The following NRG3 variants were observed in gnomAD, a reference collection of about 807,000 sequenced individuals.
NRG3 encodes the protein neuregulin 3.
A neutral mutation model predicts 66.9 loss-of-function variants in NRG3; 31 were observed. That is an observed-to-expected ratio of 0.46 (90% CI 0.35 to 0.63). The LOEUF (loss-of-function observed/expected upper bound fraction) is 0.63. Ranked by LOEUF, NRG3 falls within the 20% of genes least tolerant of loss-of-function variation. NRG3 has a pLI of 0.00. For missense variants in NRG3, 910 were observed against 878.9 expected, an observed-to-expected ratio of 1.04 and a Z score of -0.45; for synonymous variants, 393 against 359.4, an observed-to-expected ratio of 1.09 and a Z score of -1.06.
At chr10:81,971,988 A>G (rs956371089) in intron 1 of NRG3, among the ~76,000 whole-genome samples, 2 of 152,188 alleles carry the variant, frequency 1.3e-5, no homozygotes, top group Admixed American at 1.3e-4. Context: ...CAAAATGGTT[A>G]GTGGGAACAA....
At chr10:82,446,345 T>C (rs535614238) in intron 2 of NRG3, among the ~76,000 whole-genome samples, 19 of 152,326 alleles carry the variant, frequency 1.2e-4, no homozygotes, top group African/African-American at 4.1e-4. Flanking sequence ...GATATGTTCA[T>C]TGCAGCACTG....
chr10:82,849,781 G>A (rs1024015887), intron 3 of NRG3, among the ~76,000 whole-genome samples: 4 of 152,144 alleles, frequency 2.6e-5, no homozygotes, highest in African/African-American at 9.7e-5. Flanking sequence ...GTAAGGGAGA[G>A]GGGAAAGGTA....
chr10:82,393,412 C>T (rs758382620), intron 2 of NRG3, among the ~76,000 whole-genome samples: 2 of 152,096 alleles, frequency 1.3e-5, no homozygotes, highest in Admixed American at 6.6e-5. Flanking sequence ...GTACAGTTAG[C>T]ATTAGGCTGT....
At chr10:82,560,396 T>A (rs1234867754) in intron 2 of NRG3, among the ~76,000 whole-genome samples, 1 of 151,252 alleles carries the variant, frequency 6.6e-6, no homozygotes, top group African/African-American at 2.4e-5. Flanking sequence ...CTCATATGTT[T>A]TATAACTTTC....
At position 82,233,381 on chromosome 10, in the gene NRG3, A is replaced by G. The variant is rs375705153; in HGVS notation, c.824-125358A>G. Among the ~76,000 whole-genome samples, 9 of 152,186 alleles carry G rather than the reference A, an allele frequency of 5.9e-5. No individual in the cohort carries two copies. In the South Asian group the frequency reaches 6.2e-4, roughly 10 times the overall value. ...CTCCATCTCAAAAACAAAACAAAAC[A>G]AAACAAAAAAAGAATTGGCTAGCCT... On this transcript the variant is annotated intron_variant, in intron 1 of 8. Coordinates refer to ENST00000372141, the MANE Select transcript of NRG3 (RefSeq NM_001010848.4).
intron 1 of NRG3, among the ~76,000 whole-genome samples, chr10:82,229,582 A>G (rs748803493): frequency 1.4e-4 from 21 of 152,178 alleles, no homozygotes; most frequent in Non-Finnish European, 2.2e-4. Context: ...GCCTCAGGAA[A>G]CTTACAATCA....
At chr10:81,929,131 CT>C (rs1210231993) in intron 1 of NRG3, among the ~76,000 whole-genome samples, 5 of 152,032 alleles carry the variant, frequency 3.3e-5, no homozygotes, top group Non-Finnish European at 7.4e-5. Flanking sequence ...GGCTGAGTCA[CT>C]TTTTTTTAAA....
At chr10:82,295,466 A>G (rs1031178395) in intron 1 of NRG3, among the ~76,000 whole-genome samples, 2 of 152,080 alleles carry the variant, frequency 1.3e-5, no homozygotes, top group African/African-American at 4.8e-5. Context: ...TTAATAGATG[A>G]GCCCCTCTGG....
intron 2 of NRG3, among the ~76,000 whole-genome samples, chr10:82,397,279 A>C (rs1204615755): frequency 6.6e-6 from 1 of 152,136 alleles, no homozygotes; most frequent in Non-Finnish European, 1.5e-5. Flanking sequence ...GGTTTGCCAG[A>C]CCTCATGCCT....
chr10:82,402,941 T>A (rs932111447), intron 2 of NRG3, among the ~76,000 whole-genome samples: 3 of 152,168 alleles, frequency 2.0e-5, no homozygotes, highest in African/African-American at 7.2e-5. Flanking sequence ...ATTGAGTTTT[T>A]AACTTTTTTT....
intron 2 of NRG3, among the ~76,000 whole-genome samples, chr10:82,406,711 A>G (rs972157131): frequency 6.6e-6 from 1 of 152,104 alleles, no homozygotes; most frequent in African/African-American, 2.4e-5. Flanking sequence ...CTGACTCCTG[A>G]GGATTTTTTT....
Position 81,930,532 on chromosome 10 carries a change from A to G in NRG3, c.823+54369A>G, listed in dbSNP as rs576445670. 4.6e-5 allele frequency among the ~76,000 whole-genome samples: 7 copies of G among 151,690 alleles called. No homozygotes were observed. The East Asian group carries it at 1.4e-3, about 29-fold the overall frequency. Reference sequence around the variant, plus strand: ...CTGGAAAAAAAAAAAAAGAAAAAGGAAACAAAAAGACAAAAAACTTGGTTC... The same window carrying G: ...CTGGAAAAAAAAAAAAAGAAAAAGGGAACAAAAAGACAAAAAACTTGGTTC... On this transcript the variant is annotated intron_variant, in intron 1 of 8. Transcript: ENST00000372141.
chr10:82,844,502 T>TA (rs1393505490), intron 3 of NRG3, among the ~76,000 whole-genome samples: 1 of 152,150 alleles, frequency 6.6e-6, no homozygotes, highest in Non-Finnish European at 1.5e-5. Flanking sequence ...AGATATTACT[T>TA]ACTAGTTATA....
At chr10:82,750,321 T>C (rs2058812813) in intron 3 of NRG3, among the ~76,000 whole-genome samples, 1 of 152,190 alleles carries the variant, frequency 6.6e-6, no homozygotes, top group South Asian at 2.1e-4. Context: ...TGAGCTATTA[T>C]CATCTTTATT....
chr10:82,102,133 CATATATATATATATATATATAT>C (rs369498870), intron 1 of NRG3, among the ~76,000 whole-genome samples: 1 of 26,294 alleles, frequency 3.8e-5, no homozygotes, highest in African/African-American at 1.6e-4. Context: ...TATGTGTATT[CATATATATATATATATATATAT>C]ATATATATAT....
intron 2 of NRG3, among the ~76,000 whole-genome samples, chr10:82,629,319 G>T (rs183988211): frequency 6.6e-6 from 1 of 152,122 alleles, no homozygotes; most frequent in East Asian, 1.9e-4. Flanking sequence ...TCTTTAGTCC[G>T]GATTTAGGAA....
chr10:81,958,180 G>T (rs903229949), intron 1 of NRG3, among the ~76,000 whole-genome samples: 6 of 152,162 alleles, frequency 3.9e-5, no homozygotes, highest in Non-Finnish European at 8.8e-5. Context: ...TGACTGAGCC[G>T]TGCAAGTTCT....
intron 1 of NRG3, among the ~76,000 whole-genome samples, chr10:82,016,658 G>GA (rs991133894): frequency 7.9e-5 from 12 of 152,166 alleles, no homozygotes; most frequent in African/African-American, 2.9e-4. Flanking sequence ...GAGAGAAACT[G>GA]AAAAAATATT....
chr10:82,625,865 G>A (rs1469169144), intron 2 of NRG3, among the ~76,000 whole-genome samples: 1 of 152,116 alleles, frequency 6.6e-6, no homozygotes, highest in Non-Finnish European at 1.5e-5. Context: ...AGGAAAAATG[G>A]GCATTTCACA....
Sources: allele counts gnomAD v4.1 joint callset (sites outside exome capture counted in the v4.1 genomes callset), GRCh38; gene constraint gnomAD v4.1.1; transcripts MANE v1.5; gene names NCBI Gene and HGNC (gene_info 2026-07-23, HGNC 2026-07-21).